The following PLXNC1 variants were observed in gnomAD, a reference collection of about 807,000 sequenced individuals.
PLXNC1 encodes the protein plexin-C1.
Under a neutral mutation model 178.2 loss-of-function variants are expected in PLXNC1, and 75 were observed. That is an observed-to-expected ratio of 0.42 (90% CI 0.35 to 0.51). PLXNC1 has a LOEUF of 0.51. PLXNC1 is among the 20% of genes least tolerant of loss of function. The pLI is 0.02. For missense variants in PLXNC1, 1,503 were observed against 1,984.4 expected, an observed-to-expected ratio of 0.76 and a Z score of 4.61; for synonymous variants, 790 against 779.9, an observed-to-expected ratio of 1.01 and a Z score of -0.22.
chr12:94,262,323 G>C (rs927670933), intron 20 of PLXNC1, among the ~76,000 whole-genome samples: 1 of 152,220 alleles, frequency 6.6e-6, no homozygotes, highest in African/African-American at 2.4e-5. Flanking sequence ...CTGGGCATCT[G>C]TTTTCAATCC....
chr12:94,243,114 G>C (rs1964434658), intron 11 of PLXNC1, among the ~76,000 whole-genome samples: 1 of 152,234 alleles, frequency 6.6e-6, no homozygotes, highest in African/African-American at 2.4e-5. Context: ...GGCCAACTCA[G>C]CCCTTCCCCA....
Position 94,169,308 on chromosome 12 carries a change from C to G in PLXNC1, c.1203+15C>G. 6.2e-7 allele frequency: 1 copy of G among 1,609,388 alleles called. No individual in the cohort carries two copies. Among genetic ancestry groups the G allele is most frequent in the Middle Eastern group, 1.7e-4 (1 of 6,050 alleles). On this transcript the variant is annotated intron_variant, in intron 2 of 30. Coordinates refer to ENST00000258526, the MANE Select transcript of PLXNC1 (RefSeq NM_005761.3). The stretch of plus-strand genomic sequence containing the variant: ...AGTTACTTAAGGTTGGTTTTCTGTG[C>G]CTTCTTCAAATGTCTATTTTAATGG...
intron 5 of PLXNC1, among the ~76,000 whole-genome samples, chr12:94,219,659 G>T (rs909735930): frequency 2.5e-4 from 38 of 151,736 alleles, no homozygotes; most frequent in African/African-American, 9.2e-4. Flanking sequence ...GACAGATAAA[G>T]ATTAATATCT....
intron 12 of PLXNC1, among the ~76,000 whole-genome samples, chr12:94,246,451 A>G (rs1162066548): frequency 6.6e-6 from 1 of 152,206 alleles, no homozygotes; most frequent in African/African-American, 2.4e-5. Context: ...GAGTGAGAGC[A>G]CAGAGGAGGA....
Position 94,243,995 on chromosome 12 carries a change from C to T in PLXNC1, c.2358C>T (p.Ile786=). 6.3e-7 allele frequency: 1 copy of T among 1,594,326 alleles called. No homozygotes were observed. Among genetic ancestry groups the T allele is most frequent in the Non-Finnish European group, 8.6e-7 (1 of 1,163,704 alleles). The change falls in exon 12 of 31, where the codon ATC becomes ATT. Residue 786 remains isoleucine (I), a synonymous_variant. Coordinates refer to ENST00000258526, the MANE Select transcript of PLXNC1 (RefSeq NM_005761.3). ...ATTTTGATGTAATTGACAACTTAAT[C>T]ATTTCACATGAATTAAAAGGAAACA... ...GRNFDVIDNL[I]ISHELKGNIN...
At chr12:94,293,484 G>A (rs1967576548) in intron 23 of PLXNC1, among the ~76,000 whole-genome samples, 1 of 152,220 alleles carries the variant, frequency 6.6e-6, no homozygotes, top group African/African-American at 2.4e-5. Context: ...TATAGTTCCA[G>A]AGACTGGAAG....
At position 94,149,023 on chromosome 12, in the gene PLXNC1, C is replaced by T. The variant is rs776638314; in HGVS notation, c.52C>T (p.Pro18Ser). 2 of 1,493,028 alleles carry T rather than the reference C, an allele frequency of 1.3e-6. No individual in the cohort carries two copies. The highest frequency in any genetic ancestry group is 1.3e-5 in the South Asian group (1 of 79,046). 92.5% of individuals were successfully genotyped at this position (1,493,028 alleles called of 1,614,324 possible). A position where few individuals can be genotyped will look rare whatever the true frequency, so the allele number is the denominator to read the frequency against. The change falls in exon 1 of 31, where the codon CCA (proline) becomes TCA (serine). Residue 18 changes from proline (P) to serine (S), a missense_variant. Pro to Ser is a moderately conservative substitution (Grantham distance 74). This residue lies in a region of PLXNC1 where 176 missense variants were observed against 180.7 expected (regional missense o/e 0.97). Transcript: ENST00000258526. Reference sequence around the variant, plus strand: ...GCCGCGCCCCCCGCGCCCCGCAGCGCCACTGCCCCTGCTCGCCTATCTGCT... The same window carrying T: ...GCCGCGCCCCCCGCGCCCCGCAGCGTCACTGCCCCTGCTCGCCTATCTGCT... ...APPRPPRPAA[P>S]LPLLAYLLAL...
chr12:94,282,491 A>G (rs965133851), intron 23 of PLXNC1, 90 bp downstream of exon 23: 10 of 826,026 alleles, frequency 1.2e-5, no homozygotes, highest in African/African-American at 6.8e-5. Flanking sequence ...ACTCCCACCC[A>G]TTTCCTGGAA....
intron 23 of PLXNC1, 42 bp downstream of exon 23, chr12:94,282,443 A>C (rs1241149056): frequency 7.9e-7 from 1 of 1,266,802 alleles, no homozygotes; most frequent in South Asian, 1.2e-5. Context: ...CCTCATCCCC[A>C]ATCCTAGTCC....
At position 94,260,589 on chromosome 12, in the gene PLXNC1, G is replaced by T; in HGVS notation, c.3252-53G>T. ...GTGAGCTTCCATGGAAACTCCCATG[G>T]GTGTCCAGCTAGGCCTGCAGCCAAT... On this transcript the variant is annotated intron_variant, in intron 19 of 30. Coordinates refer to ENST00000258526, the MANE Select transcript of PLXNC1 (RefSeq NM_005761.3). The surrounding 1 kb of genome is among the most constrained non-coding windows in gnomAD (Gnocchi z 4.4). 1 of 1,368,514 alleles carries T rather than the reference G, an allele frequency of 7.3e-7. No individual in the cohort carries two copies. Among genetic ancestry groups the T allele is most frequent in the Non-Finnish European group, 1.0e-6 (1 of 968,258 alleles). The allele number at this position is 1,368,514 out of a possible 1,614,324, so 84.8% of individuals were successfully genotyped here.
At chr12:94,244,680 C>T (rs1393768770) in intron 12 of PLXNC1, among the ~76,000 whole-genome samples, 2 of 152,120 alleles carry the variant, frequency 1.3e-5, no homozygotes, top group African/African-American at 4.8e-5. Flanking sequence ...TTGTCTTGGG[C>T]CACACATAAG....
intron 23 of PLXNC1, 28 bp from the exon 24 acceptor site, chr12:94,294,458 C>T: frequency 9.5e-7 from 1 of 1,050,990 alleles, no homozygotes; most frequent in Non-Finnish European, 1.5e-6. Flanking sequence ...ATTTTGAACA[C>T]TCATATATCT....
intron 17 of PLXNC1, chr12:94,255,819 T>C (rs2242498): frequency 0.57 from 89,159 of 157,462 alleles, 25,466 homozygotes; most frequent in Admixed American, 0.59. Flanking sequence ...TGGTTCTCTT[T>C]GGTAGTTTTT....
intron 9 of PLXNC1, among the ~76,000 whole-genome samples, chr12:94,228,583 A>G (rs943882069): frequency 6.6e-6 from 1 of 152,046 alleles, no homozygotes; most frequent in Non-Finnish European, 1.5e-5. Flanking sequence ...CCTTCCCCCC[A>G]GCCCTTGGAA....
chr12:94,181,399 A>G lies in PLXNC1; in HGVS notation c.1204-47A>G, dbSNP rs772293328. The stretch of plus-strand genomic sequence containing the variant: ...GAGATTCCGTCTCAAAAAAAAAAAA[A>G]AGTATTAAATAGAAATCATGTTTCT... On this transcript the variant is annotated intron_variant, in intron 2 of 30. Coordinates refer to ENST00000258526, the MANE Select transcript of PLXNC1 (RefSeq NM_005761.3). 2.3e-6 allele frequency: 3 copies of G among 1,307,200 alleles called. No individual in the cohort carries two copies. The East Asian group carries it at 7.2e-5, about 31-fold the overall frequency. The allele number at this position is 1,307,200 out of a possible 1,614,324, so 81.0% of individuals were successfully genotyped here.
rs766011543 is a variant in PLXNC1, at chr12:94,226,628, G to T, written c.1814G>T (p.Gly605Val). 15 of 1,613,532 alleles carry T rather than the reference G, an allele frequency of 9.3e-6. No homozygotes were observed. The highest frequency in any genetic ancestry group is 1.7e-5 in the Admixed American group (1 of 60,000). ...AGATGCCCAGCATGCGTAGAAACTG[G>T]CTGCGCGTGGTGTAAAAGTGCAAGA... is the stretch of plus-strand genomic sequence containing the variant. The part of the protein sequence containing the change: ...LKECPACVET[G>V]CAWCKSARRC... Residue 605 changes from glycine to valine, a missense_variant, in exon 8 of 31, where the codon GGC becomes GTC. This residue lies in a region of PLXNC1 where 615 missense variants were observed against 698.6 expected (regional missense o/e 0.88). Transcript: ENST00000258526.
In PLXNC1 at chr12:94,247,932, C is replaced by A; in HGVS notation, c.2418C>A (p.Cys806Ter). 6.2e-7 allele frequency: 1 copy of A among 1,613,956 alleles called. No homozygotes were observed. Among genetic ancestry groups the A allele is most frequent in the Non-Finnish European group, 8.5e-7 (1 of 1,179,948 alleles). ...NVSEYCVATY[C>*]GFLAPSLKSS... is the part of the protein sequence containing the mutation. ...CTGAATATTGTGTGGCGACTTACTG[C>A]GGGTTTTTAGCCCCCAGTTTAAAGA... Residue 806 changes from cysteine to a stop codon, truncating the protein, a stop_gained, in exon 13 of 31, where the codon TGC (cysteine) becomes TGA (stop). Coordinates refer to ENST00000258526, the MANE Select transcript of PLXNC1 (RefSeq NM_005761.3). LOFTEE classifies it high-confidence loss of function.
rs944480722 is a variant in PLXNC1, at chr12:94,307,316, C to T, written c.*2031C>T. On this transcript the variant is annotated 3_prime_UTR_variant, in exon 31 of 31. Coordinates refer to ENST00000258526, the MANE Select transcript of PLXNC1 (RefSeq NM_005761.3). ...TGTATGTAGCGTGTTTGTCAATCCTCCAGTGAAAAGCACTATCTAGATCAC... is the reference window on the plus strand; with the variant it reads ...TGTATGTAGCGTGTTTGTCAATCCTTCAGTGAAAAGCACTATCTAGATCAC... 2.0e-5 allele frequency: 3 copies of T among 152,146 alleles called. No individual in the cohort carries two copies. The highest frequency in any genetic ancestry group is 7.2e-5 in the African/African-American group (3 of 41,434). The allele number at this position is 152,146 out of a possible 1,614,324, so 9.4% of individuals were successfully genotyped here.
intron 4 of PLXNC1, among the ~76,000 whole-genome samples, chr12:94,193,251 G>A (rs1420364608): frequency 6.6e-6 from 1 of 152,192 alleles, no homozygotes; most frequent in African/African-American, 2.4e-5. Context: ...GAGTGTTTTA[G>A]AACGAGAACT....
Sources: allele counts gnomAD v4.1 joint callset (sites outside exome capture counted in the v4.1 genomes callset), GRCh38; gene constraint gnomAD v4.1.1; regional missense constraint gnomAD v4.1.1; non-coding constraint Gnocchi (gnomAD v3.1); transcripts MANE v1.5; gene names NCBI Gene and HGNC (gene_info 2026-07-23, HGNC 2026-07-21).